The following RIMS1 variants were observed in gnomAD, a reference collection of about 807,000 sequenced individuals.
RIMS1 encodes the protein regulating synaptic membrane exocytosis 1.
In RIMS1, 83 loss-of-function variants were observed where a neutral mutation model predicts 214.1. That is an observed-to-expected ratio of 0.39 (90% CI 0.32 to 0.47). The LOEUF (loss-of-function observed/expected upper bound fraction) is 0.47, where lower values mean the gene tolerates loss of function less well. RIMS1 is among the 20% of genes least tolerant of loss of function. RIMS1 has a pLI of 0.99. For missense variants in RIMS1, 2,050 were observed against 2,161.8 expected (o/e 0.95, Z 1.03); for synonymous variants, 793 against 786.8 (o/e 1.01, Z -0.13).
Position 72,290,801 on chromosome 6 carries a change from T to C in RIMS1, c.3677T>C (p.Leu1226Pro). Reference protein sequence around the residue: ...RSSEHSSIRTLCSMHHLVPGG... With the variant: ...RSSEHSSIRTPCSMHHLVPGG... The stretch of plus-strand genomic sequence containing the variant: ...AGTGAGCACTCTAGTATCAGAACAC[T>C]GTGTTCTATGCACCACCTTGTCCCT... The change falls in exon 25 of 34, where the codon CTG becomes CCG. Residue 1226 changes from leucine (L) to proline (P), a missense_variant. Physicochemically the swap from Leu to Pro is moderately conservative, Grantham distance 98. Transcript: ENST00000521978. 1 of 1,613,748 alleles carries C rather than the reference T, an allele frequency of 6.2e-7. No homozygotes were observed. The highest frequency in any genetic ancestry group is 8.5e-7 in the Non-Finnish European group (1 of 1,179,776).
At chr6:72,398,732 A>G (rs1182310469) in intron 32 of RIMS1, among the ~76,000 whole-genome samples, 2 of 152,210 alleles carry the variant, frequency 1.3e-5, no homozygotes, top group African/African-American at 4.8e-5. Context: ...AAAGTCTTCA[A>G]ATAACTTTGT....
In RIMS1 at chr6:72,118,488, C is replaced by T. The variant is rs192111451; in HGVS notation, c.471+18502C>T. Among the ~76,000 whole-genome samples, 354 of 151,524 alleles carry T rather than the reference C, an allele frequency of 2.3e-3. 10 individuals carry two copies. Among genetic ancestry groups the T allele is most frequent in the Admixed American group, 0.017 (262 of 15,174 alleles). On this transcript the variant is annotated intron_variant, in intron 4 of 33. Coordinates refer to ENST00000521978, the MANE Select transcript of RIMS1 (RefSeq NM_014989.7). The stretch of plus-strand genomic sequence containing the variant: ...TAAACGTTCTATGAAGCCAGTATTA[C>T]CCTAATACAAAAACCAGGAAAGGAC...
intron 2 of RIMS1, among the ~76,000 whole-genome samples, chr6:72,093,446 A>T (rs1321590312): frequency 1.3e-5 from 2 of 151,772 alleles, no homozygotes; most frequent in Non-Finnish European, 2.9e-5. Flanking sequence ...GCTCTATACC[A>T]GTTTTTGTTT....
At chr6:71,973,657 G>T (rs1796437668) in intron 2 of RIMS1, among the ~76,000 whole-genome samples, 2 of 152,188 alleles carry the variant, frequency 1.3e-5, no homozygotes, top group Admixed American at 1.3e-4. Context: ...GCTAGGAGGA[G>T]AGTTAGGTTC....
At chr6:71,907,353 G>A (rs1775545407) in intron 1 of RIMS1, among the ~76,000 whole-genome samples, 1 of 152,068 alleles carries the variant, frequency 6.6e-6, no homozygotes, top group African/African-American at 2.4e-5. Context: ...CTCCAACTAG[G>A]AAAACTCACT....
chr6:71,983,578 A>G (rs1333301390), intron 2 of RIMS1, among the ~76,000 whole-genome samples: 1 of 152,176 alleles, frequency 6.6e-6, no homozygotes, highest in East Asian at 1.9e-4. Flanking sequence ...GTTAAAAGTA[A>G]ATAAGTCATC....
At chr6:72,029,082 A>G (rs955164320) in intron 2 of RIMS1, among the ~76,000 whole-genome samples, 3 of 151,322 alleles carry the variant, frequency 2.0e-5, no homozygotes, top group Non-Finnish European at 2.9e-5. Context: ...TTGCTTGGAA[A>G]CTCTTTAAGC....
At chr6:72,339,332 TG>T (rs2096960929) in intron 29 of RIMS1, among the ~76,000 whole-genome samples, 1 of 152,036 alleles carries the variant, frequency 6.6e-6, no homozygotes, top group Non-Finnish European at 1.5e-5. Context: ...GTGCACAACG[TG>T]CAGGTTTGTT....
intron 4 of RIMS1, among the ~76,000 whole-genome samples, chr6:72,134,840 T>A (rs563276427): frequency 4.6e-5 from 7 of 152,134 alleles, no homozygotes; most frequent in African/African-American, 1.7e-4. Context: ...ACTTAATGGA[T>A]AGACAAACAT....
chr6:72,119,604 C>A (rs1035660815), intron 4 of RIMS1, among the ~76,000 whole-genome samples: 1 of 151,614 alleles, frequency 6.6e-6, no homozygotes, highest in Non-Finnish European at 1.5e-5. Context: ...TAAAAATAGA[C>A]CAGTGGAACA....
intron 29 of RIMS1, among the ~76,000 whole-genome samples, chr6:72,386,589 C>G (rs1373733649): frequency 6.6e-6 from 1 of 152,122 alleles, no homozygotes; most frequent in Non-Finnish European, 1.5e-5. Flanking sequence ...CTTGTGTCGT[C>G]ACTTCCCCCT....
At chr6:72,292,095 C>A (rs1181747633) in intron 26 of RIMS1, 49 bp downstream of exon 26, 5 of 1,213,850 alleles carry the variant, frequency 4.1e-6, no homozygotes, top group Admixed American at 4.2e-5. Context: ...ATTTGAGAAC[C>A]TCCTCTATTT....
chr6:72,015,198 A>G (rs1206958775), intron 2 of RIMS1, among the ~76,000 whole-genome samples: 6 of 152,300 alleles, frequency 3.9e-5, no homozygotes, highest in Middle Eastern at 3.4e-3. Context: ...AATTTTTTGC[A>G]TGAAACAAAG....
At chr6:72,053,020 A>T (rs912438747) in intron 2 of RIMS1, among the ~76,000 whole-genome samples, 1 of 152,172 alleles carries the variant, frequency 6.6e-6, no homozygotes, top group Non-Finnish European at 1.5e-5. Flanking sequence ...GGAAGAGCTG[A>T]ACGATAGCCT....
chr6:72,078,881 A>G (rs1246238601), intron 2 of RIMS1, among the ~76,000 whole-genome samples: 1 of 152,114 alleles, frequency 6.6e-6, no homozygotes, highest in Non-Finnish European at 1.5e-5. Flanking sequence ...GTGTATATAT[A>G]TCTATACACA....
chr6:71,967,617 A>C (rs1286839873), intron 1 of RIMS1, among the ~76,000 whole-genome samples: 2 of 152,186 alleles, frequency 1.3e-5, no homozygotes, highest in Admixed American at 1.3e-4. Context: ...CGGGGAAAGA[A>C]CACAAGGCTT....
chr6:72,119,351 A>T (rs2037743538), intron 4 of RIMS1, among the ~76,000 whole-genome samples: 1 of 151,928 alleles, frequency 6.6e-6, no homozygotes, highest in Admixed American at 6.6e-5. Flanking sequence ...ATGCTCATGG[A>T]TGAGTAGAAT....
At chr6:72,086,167 A>G (rs1171300647) in intron 2 of RIMS1, among the ~76,000 whole-genome samples, 1 of 152,178 alleles carries the variant, frequency 6.6e-6, no homozygotes, top group Admixed American at 6.5e-5. Flanking sequence ...AGCTTGTACA[A>G]CTAGATTTCT....
chr6:72,327,827 A>C (rs1263965764), intron 28 of RIMS1, among the ~76,000 whole-genome samples: 1 of 151,794 alleles, frequency 6.6e-6, no homozygotes, highest in Non-Finnish European at 1.5e-5. Context: ...CAATTTTTTG[A>C]AAAGGGAATT....
Sources: allele counts gnomAD v4.1 joint callset (sites outside exome capture counted in the v4.1 genomes callset), GRCh38; gene constraint gnomAD v4.1.1; transcripts MANE v1.5; gene names NCBI Gene and HGNC (gene_info 2026-07-23, HGNC 2026-07-21).